CAMK1D: variants seen among roughly 807,000 people sequenced by gnomAD.
The protein encoded by CAMK1D is calcium/calmodulin dependent protein kinase ID.
CAMK1D carries 9 observed loss-of-function variants against 47.7 expected under a neutral mutation model. The observed-to-expected ratio is 0.19, with a 90% CI of 0.11 to 0.33. CAMK1D has a LOEUF of 0.33. Ranked by LOEUF, CAMK1D falls within the 10% of genes least tolerant of loss-of-function variation. The pLI is 1.00. For missense variants in CAMK1D, 291 were observed against 488.7 expected (o/e 0.60, Z 3.81); for synonymous variants, 184 against 184.9 (o/e 0.99, Z 0.04).
intron 1 of CAMK1D, among the ~76,000 whole-genome samples, chr10:12,492,510 T>A (rs1427936933): frequency 2.0e-5 from 3 of 151,878 alleles, no homozygotes; most frequent in Non-Finnish European, 4.4e-5. Flanking sequence ...ATACAAAAAA[T>A]TAGCTAGATG....
At chr10:12,743,374 A>C (rs1835523717) in intron 3 of CAMK1D, among the ~76,000 whole-genome samples, 1 of 150,400 alleles carries the variant, frequency 6.6e-6, no homozygotes, top group Non-Finnish European at 1.5e-5. Flanking sequence ...AAAGAAAAAA[A>C]GAAAAAGGAA....
At chr10:12,510,085 A>C (rs1470597294) in intron 1 of CAMK1D, among the ~76,000 whole-genome samples, 1 of 152,224 alleles carries the variant, frequency 6.6e-6, no homozygotes, top group Non-Finnish European at 1.5e-5. Flanking sequence ...AGTATCAATG[A>C]ATGTGCCCTG....
At chr10:12,732,664 A>ACCCC (rs1564522851) in intron 3 of CAMK1D, among the ~76,000 whole-genome samples, 5 of 111,662 alleles carry the variant, frequency 4.5e-5, no homozygotes, top group African/African-American at 1.8e-4. Flanking sequence ...TTATTCAATT[A>ACCCC]CCCCCGCCCC....
At chr10:12,659,897 C>T (rs1382672365) in intron 2 of CAMK1D, among the ~76,000 whole-genome samples, 1 of 152,176 alleles carries the variant, frequency 6.6e-6, no homozygotes, top group Non-Finnish European at 1.5e-5. Context: ...CCCGGAAGTG[C>T]CTGAAAAGCG....
chr10:12,380,880 A>G (rs1838320668), intron 1 of CAMK1D, among the ~76,000 whole-genome samples: 1 of 151,972 alleles, frequency 6.6e-6, no homozygotes, highest in Non-Finnish European at 1.5e-5. Context: ...AAAAAAACAA[A>G]CCCCACGCAT....
At chr10:12,636,126 A>G (rs1210460081) in intron 2 of CAMK1D, among the ~76,000 whole-genome samples, 1 of 152,234 alleles carries the variant, frequency 6.6e-6, no homozygotes, top group Non-Finnish European at 1.5e-5. Flanking sequence ...TCACATTGTT[A>G]TATGATCCTT....
intron 3 of CAMK1D, among the ~76,000 whole-genome samples, chr10:12,718,278 A>C (rs556994787): frequency 2.2e-4 from 34 of 152,314 alleles, no homozygotes; most frequent in African/African-American, 7.9e-4. Flanking sequence ...TGATTCACAG[A>C]CACTATTTGG....
intron 1 of CAMK1D, among the ~76,000 whole-genome samples, chr10:12,471,932 G>A (rs1181821289): frequency 6.6e-6 from 1 of 151,574 alleles, no homozygotes; most frequent in African/African-American, 2.4e-5. Context: ...CTACTCTGGA[G>A]GCTGAGGTGG....
intron 2 of CAMK1D, among the ~76,000 whole-genome samples, chr10:12,620,010 A>G (rs1351464185): frequency 6.6e-6 from 1 of 152,094 alleles, no homozygotes; most frequent in Non-Finnish European, 1.5e-5. Context: ...AAGTTGTTGT[A>G]TGTATCAGTA....
At chr10:12,525,601 CTT>C (rs1477350784) in intron 1 of CAMK1D, among the ~76,000 whole-genome samples, 2 of 152,094 alleles carry the variant, frequency 1.3e-5, no homozygotes, top group African/African-American at 2.4e-5. Flanking sequence ...AAATGTCTGT[CTT>C]TTCATTCATT....
At chr10:12,380,176 C>T (rs1276546411) in intron 1 of CAMK1D, among the ~76,000 whole-genome samples, 1 of 152,078 alleles carries the variant, frequency 6.6e-6, no homozygotes, top group African/African-American at 2.4e-5. Flanking sequence ...GATGGCACCA[C>T]TGCACTCCAG....
intron 2 of CAMK1D, among the ~76,000 whole-genome samples, chr10:12,578,996 C>T (rs1837581109): frequency 2.0e-5 from 3 of 152,156 alleles, no homozygotes; most frequent in African/African-American, 2.4e-5. Flanking sequence ...CAGAAGACAG[C>T]AGCCCTTTAA....
At position 12,721,680 on chromosome 10, in the gene CAMK1D, C is replaced by T. The variant is rs180821334; in HGVS notation, c.300-39268C>T. Among the ~76,000 whole-genome samples, 6 of 152,226 alleles carry T rather than the reference C, an allele frequency of 3.9e-5. No individual in the cohort carries two copies. In the East Asian group the frequency reaches 9.7e-4, roughly 24 times the overall value. On this transcript the variant is annotated intron_variant, in intron 3 of 10. Transcript: ENST00000619168. The stretch of plus-strand genomic sequence containing the variant: ...GCTTATTACCTAGCAGAGGGTAACC[C>T]GTAGTAACAGGTACACACATGCATG...
chr10:12,742,378 G>T (rs764904376), intron 3 of CAMK1D, among the ~76,000 whole-genome samples: 2 of 151,972 alleles, frequency 1.3e-5, no homozygotes, highest in East Asian at 1.9e-4. Flanking sequence ...CAGGCAATCC[G>T]CCTGCCTTGG....
At chr10:12,492,961 G>A (rs1051389572) in intron 1 of CAMK1D, among the ~76,000 whole-genome samples, 11 of 152,182 alleles carry the variant, frequency 7.2e-5, no homozygotes, top group Non-Finnish European at 1.5e-4. Context: ...TGGATGCCCG[G>A]CTTCCCTGGC....
intron 1 of CAMK1D, among the ~76,000 whole-genome samples, chr10:12,389,468 C>T (rs1416446047): frequency 2.0e-5 from 3 of 152,100 alleles, no homozygotes; most frequent in Non-Finnish European, 4.4e-5. Context: ...ACCACAGGGT[C>T]GAGGGCTTGG....
At chr10:12,605,193 A>G (rs1320003344) in intron 2 of CAMK1D, among the ~76,000 whole-genome samples, 2 of 152,138 alleles carry the variant, frequency 1.3e-5, no homozygotes, top group African/African-American at 2.4e-5. Flanking sequence ...GTACCAGTGC[A>G]GTACTTTTAT....
chr10:12,408,848 CTT>C (rs113921067), intron 1 of CAMK1D, among the ~76,000 whole-genome samples: 22 of 121,846 alleles, frequency 1.8e-4, no homozygotes, highest in Admixed American at 5.6e-4. Flanking sequence ...TTCTTTCTTT[CTT>C]TTTTTTTTTT....
chr10:12,380,503 T>C (rs762714387), intron 1 of CAMK1D, among the ~76,000 whole-genome samples: 1 of 152,186 alleles, frequency 6.6e-6, no homozygotes, highest in Non-Finnish European at 1.5e-5. Context: ...ATGTGATTAT[T>C]GCCCGGAAAA....
Sources: allele counts gnomAD v4.1 joint callset (sites outside exome capture counted in the v4.1 genomes callset), GRCh38; gene constraint gnomAD v4.1.1; transcripts MANE v1.5; gene names NCBI Gene and HGNC (gene_info 2026-07-23, HGNC 2026-07-21).